Variants in ABCB6 observed in about 807,000 individuals in gnomAD.
The protein encoded by ABCB6 is ATP binding cassette subfamily B member 6 (LAN blood group), also known as ATP-binding cassette sub-family B member 6.
Under a neutral mutation model 99.4 loss-of-function variants are expected in ABCB6, and 87 were observed. The ratio of observed to expected loss-of-function variants is 0.88; its 90% CI spans 0.74 to 1.05. ABCB6 has a LOEUF of 1.05. Ranked by LOEUF, ABCB6 falls within the 50% of genes least tolerant of loss-of-function variation. The probability of loss-of-function intolerance (pLI) is 0.00; values close to 1 mark genes in which losing one functional copy is unlikely to be tolerated. For synonymous variants in ABCB6, 482 were observed against 447.5 expected (o/e 1.08, Z -0.97); for missense variants, 1,050 against 1,097.9 (o/e 0.96, Z 0.62).
At position 219,215,520 on chromosome 2, in the gene ABCB6, C is replaced by T. The variant is rs115672431; in HGVS notation, c.1155-438G>A. ...ACTTTGGAATGCTAGGTGGGCAGAT[C>T]ACATGATGCTAGGAGTTCCAGGCCA... On this transcript the variant is annotated intron_variant, in intron 5 of 18. Transcript: ENST00000265316. 3.5e-3 allele frequency: 603 copies of T among 173,394 alleles called. 7 individuals carry two copies. Among genetic ancestry groups the T allele is most frequent in the Non-Finnish European group, 4.7e-3 (377 of 80,932 alleles). The allele number at this position is 173,394 out of a possible 1,614,324, so 10.7% of individuals were successfully genotyped here.
chr2:219,217,673 G>C lies in ABCB6; in HGVS notation c.684C>G (p.Ser228Arg), dbSNP rs113201298. Residue 228 changes from serine (S) to arginine (R), a missense_variant, in exon 2 of 19, where the codon AGC (serine) becomes AGG (arginine). By Grantham distance (110) the Ser-to-Arg change is moderately radical (BLOSUM62 -1). Transcript: ENST00000265316. Reference sequence around the variant, plus strand: ...AAAAAAAGAAACTGAGGTGTACCTGGCTCCTTTCCACATCTTGGTCCTCTT... The same window carrying C: ...AAAAAAAGAAACTGAGGTGTACCTGCCTCCTTTCCACATCTTGGTCCTCTT... Reference protein sequence around the residue: ...VHEEDQDVERSQVRSAAQQST... With the variant: ...VHEEDQDVERRQVRSAAQQST... 124 of 1,598,192 alleles carry C rather than the reference G, an allele frequency of 7.8e-5. No individual in the cohort carries two copies. Among genetic ancestry groups the C allele is most frequent in the Non-Finnish European group, 9.8e-5 (115 of 1,174,928 alleles).
rs544467566 is a variant in ABCB6, at chr2:219,210,130, G to A, written c.2421-84C>T. The stretch of plus-strand genomic sequence containing the variant: ...CACCAGCCCACAGAGAGGACGGGAT[G>A]GGAAGGGAGGTCCCCTCCAGAAGCC... On this transcript the variant is annotated intron_variant, in intron 18 of 18. Transcript: ENST00000265316. 2.5e-6 allele frequency: 4 copies of A among 1,595,678 alleles called. No homozygotes were observed. In the South Asian group the frequency reaches 4.4e-5, roughly 18 times the overall value.
rs201876128 is a variant in ABCB6, at chr2:219,210,369, G to A, written c.2351+12C>T. On this transcript the variant is annotated intron_variant, in intron 17 of 18. Coordinates refer to ENST00000265316, the MANE Select transcript of ABCB6 (RefSeq NM_005689.4). ...CCACATCACCAGCCGCCCCAGGCCTGTAGTCCTGTACCTGTGTGCCACTAC... is the reference window on the plus strand; with the variant it reads ...CCACATCACCAGCCGCCCCAGGCCTATAGTCCTGTACCTGTGTGCCACTAC... The A allele has an allele frequency of 1.5e-4, 249 of 1,614,232 alleles. 1 individual carries two copies. The African/African-American group carries it at 2.9e-3, about 19-fold the overall frequency.
chr2:219,217,469 C>T (rs189085042), intron 2 of ABCB6, among the ~76,000 whole-genome samples: 1 of 152,182 alleles, frequency 6.6e-6, no homozygotes, highest in East Asian at 1.9e-4. Flanking sequence ...TGCTGTGAAA[C>T]CCTGTCTCTA....
chr2:219,218,446 C>G lies in ABCB6; in HGVS notation c.228G>C (p.Gln76His), dbSNP rs1950676300. Residue 76 changes from glutamine (Q) to histidine (H), a missense_variant, in exon 1 of 19, where the codon CAG becomes CAC. By Grantham distance (24) the Gln-to-His change is conservative. Coordinates refer to ENST00000265316, the MANE Select transcript of ABCB6 (RefSeq NM_005689.4). ...AGPRISPYVL[Q>H]LLLATLQAAL... is the part of the protein sequence containing the mutation. ...CCGCCTGAAGTGTGGCCAGAAGCAG[C>G]TGCAGCACGTAGGGAGAGATGCGAG... 1 of 1,609,582 alleles carries G rather than the reference C, an allele frequency of 6.2e-7. No homozygotes were observed. Among genetic ancestry groups the G allele is most frequent in the East Asian group, 2.2e-5 (1 of 44,790 alleles).
chr2:219,216,024 C>A lies in ABCB6; in HGVS notation c.1127G>T (p.Gly376Val). The change falls in exon 5 of 19, where the codon GGC (glycine) becomes GTC (valine). Residue 376 changes from glycine to valine, a missense_variant. Transcript: ENST00000265316. The surrounding 1 kb of genome is among the most constrained non-coding windows in gnomAD (Gnocchi z 4.2). The stretch of plus-strand genomic sequence containing the variant: ...GAGCAGCCCTGTGACACTGGATGTG[C>A]CCCGATCCGCGATCCGCAGCACCTC... ...TGEVLRIADRGTSSVTGLLSY... is the reference protein window; with the variant it reads ...TGEVLRIADRVTSSVTGLLSY... 5 of 1,598,184 alleles carry A rather than the reference C, an allele frequency of 3.1e-6. No individual in the cohort carries two copies. Among genetic ancestry groups the A allele is most frequent in the Non-Finnish European group, 4.3e-6 (5 of 1,170,498 alleles).
intron 16 of ABCB6, 50 bp downstream of exon 16, chr2:219,210,661 G>C (rs769957367): frequency 6.2e-7 from 1 of 1,610,850 alleles, no homozygotes; most frequent in South Asian, 1.1e-5. Context: ...CAGGAGGAAC[G>C]GCTTGAGCAT....
rs538111816 is a variant in ABCB6, at chr2:219,216,944, A to T, written c.688-112T>A. ...TACAGCTCCCAGGTATCTCAGACCC[A>T]CAAGTGATCCTTGATGGGGTCAGAA... is the stretch of plus-strand genomic sequence containing the variant. On this transcript the variant is annotated intron_variant, in intron 2 of 18. Transcript: ENST00000265316. This position sits in a 1 kb window ranked among gnomAD's most constrained non-coding sequence, Gnocchi z 4.2. The T allele has an allele frequency of 4.6e-5, 43 of 935,958 alleles. No individual in the cohort carries two copies. In the African/African-American group the frequency reaches 6.8e-4, roughly 15 times the overall value. 58.0% of individuals were successfully genotyped at this position (935,958 alleles called of 1,614,324 possible).
Position 219,214,641 on chromosome 2 carries a change from A to AG in ABCB6, c.1277-144dup, listed in dbSNP as rs1283638958. ...AGATTCCACAGGGAGGCACCTCTGC[A>AG]GCCTGCACAAAGTCTCATGTGTAGA... On this transcript the variant is annotated intron_variant, in intron 6 of 18. Coordinates refer to ENST00000265316, the MANE Select transcript of ABCB6 (RefSeq NM_005689.4). The AG allele has an allele frequency of 7.4e-6, 5 of 671,962 alleles. No individual in the cohort carries two copies. In the East Asian group the frequency reaches 8.1e-5, roughly 11 times the overall value. The allele number at this position is 671,962 out of a possible 1,614,324, so 41.6% of individuals were successfully genotyped here. A position where few individuals can be genotyped will look rare whatever the true frequency, so the allele number is the denominator to read the frequency against.
intron 8 of ABCB6, 55 bp from the exon 9 acceptor site, chr2:219,214,006 G>C: frequency 6.2e-7 from 1 of 1,612,962 alleles, no homozygotes; most frequent in Non-Finnish European, 8.5e-7. Context: ...CCATCAGTGA[G>C]TCCAAACCTG....
At chr2:219,217,945 A>T in intron 1 of ABCB6, 138 bp from the exon 2 acceptor site, 1 of 1,360,074 alleles carries the variant, frequency 7.4e-7, no homozygotes, top group Non-Finnish European at 9.8e-7. Flanking sequence ...AAGCAAAACC[A>T]CAGTGACTCA....
Position 219,216,567 on chromosome 2 carries a change from C to T in ABCB6, c.868+85G>A. ...ACAGTCTCTTTCTGACCACCCAGCT[C>T]TGTCCCACCTCCCTAGGTAAGGACC... On this transcript the variant is annotated intron_variant, in intron 3 of 18. Transcript: ENST00000265316. This position sits in a 1 kb window ranked among gnomAD's most constrained non-coding sequence, Gnocchi z 4.2. The T allele has an allele frequency of 2.0e-6, 3 of 1,536,768 alleles. No homozygotes were observed. In the South Asian group the frequency reaches 3.6e-5, roughly 18 times the overall value.
intron 15 of ABCB6, 47 bp downstream of exon 15, chr2:219,210,887 G>A (rs988628959): frequency 1.9e-6 from 3 of 1,613,250 alleles, no homozygotes; most frequent in African/African-American, 1.3e-5. Context: ...GGGATTAGCA[G>A]GACAACACCA....
At chr2:219,212,366 T>A (rs1354920413) in intron 14 of ABCB6, 21 bp downstream of exon 14, 2 of 1,607,730 alleles carry the variant, frequency 1.2e-6, no homozygotes, top group Non-Finnish European at 1.7e-6. Context: ...TAAACCACCG[T>A]CTTCTCCAGA....
At chr2:219,218,072 T>C in intron 1 of ABCB6, 53 bp downstream of exon 1, 1 of 1,544,016 alleles carries the variant, frequency 6.5e-7, no homozygotes, top group Non-Finnish European at 8.7e-7. Flanking sequence ...CATGCAGTGC[T>C]TTCTCCCAAG....
In ABCB6 at chr2:219,218,835, A is replaced by C. The variant is rs1950685468; in HGVS notation, c.-162T>G. 1 of 730,482 alleles carries C rather than the reference A, an allele frequency of 1.4e-6. No individual in the cohort carries two copies. Among genetic ancestry groups the C allele is most frequent in the East Asian group, 3.1e-5 (1 of 31,958 alleles). The allele number at this position is 730,482 out of a possible 1,614,324, so 45.3% of individuals were successfully genotyped here. ...AAGGGACGCACGTGGACCAGGCCTC[A>C]CCGCCCACTCCCCTAGCGCACGCGC... On this transcript the variant is annotated 5_prime_UTR_variant, in exon 1 of 19. Coordinates refer to ENST00000265316, the MANE Select transcript of ABCB6 (RefSeq NM_005689.4).
intron 6 of ABCB6, 193 bp downstream of exon 6, chr2:219,214,767 TC>T: frequency 1.5e-6 from 1 of 671,586 alleles, no homozygotes; most frequent in East Asian, 2.7e-5. Flanking sequence ...AGAATGTCCT[TC>T]CCCAGCCCCT....
At position 219,212,527 on chromosome 2, in the gene ABCB6, C is replaced by G. The variant is rs189196612; in HGVS notation, c.1864-36G>C. 201 of 1,572,260 alleles carry G rather than the reference C, an allele frequency of 1.3e-4. 1 individual carries two copies. In the East Asian group the frequency reaches 3.5e-3, roughly 27 times the overall value. ...GGAAATGGGAAAAATCTCAGGCCCA[C>G]TGGCTTTTTTTTTGAGACCGAATCT... On this transcript the variant is annotated intron_variant, in intron 13 of 18. Coordinates refer to ENST00000265316, the MANE Select transcript of ABCB6 (RefSeq NM_005689.4).
chr2:219,213,089 C>G, intron 12 of ABCB6, 24 bp from the exon 13 acceptor site: 12 of 1,612,890 alleles, frequency 7.4e-6, no homozygotes, highest in Non-Finnish European at 1.0e-5. Flanking sequence ...TGGGGTTGCT[C>G]AGCAGGCACC....
Sources: gnomAD v4.1 joint callset for allele counts (sites outside exome capture counted in the v4.1 genomes callset) on GRCh38, gnomAD v4.1.1 for gene constraint, Gnocchi (gnomAD v3.1) non-coding constraint, MANE v1.5 for transcripts, NCBI Gene and HGNC (gene_info 2026-07-23, HGNC 2026-07-21) for gene names.